The following SMARCAD1 variants were observed in gnomAD, a reference collection of about 807,000 sequenced individuals.
SMARCAD1 encodes SWI/SNF-related matrix-associated actin-dependent regulator of chromatin subfamily A containing DEAD/H box 1.
In SMARCAD1, 25 loss-of-function variants were observed where a neutral mutation model predicts 127.1. That is an observed-to-expected ratio of 0.20 (90% CI 0.14 to 0.27). The LOEUF (loss-of-function observed/expected upper bound fraction) is 0.27, where lower values mean the gene tolerates loss of function less well. Among genes scored for constraint, SMARCAD1 ranks in the 10% least tolerant of loss-of-function variants. The pLI is 1.00. For synonymous variants in SMARCAD1, 400 were observed against 396.9 expected (o/e 1.01, Z -0.09); for missense variants, 807 against 1,206.0 (o/e 0.67, Z 4.90).
intron 5 of SMARCAD1, 56 bp from the exon 6 acceptor site, chr4:94,240,850 A>G: frequency 7.5e-7 from 1 of 1,335,468 alleles, no homozygotes; most frequent in Non-Finnish European, 1.1e-6. Flanking sequence ...TTTTACATTA[A>G]ATTGATTTTT....
rs778772656 is a variant in SMARCAD1, at chr4:94,283,191, G to A, written c.2797G>A (p.Gly933Arg). Residue 933 changes from glycine to arginine, a missense_variant, in exon 22 of 24, where the codon GGA becomes AGA. Coordinates refer to ENST00000354268, the MANE Select transcript of SMARCAD1 (RefSeq NM_020159.5). ...FVFLLSTKAGGLGINLTSANV... is the reference protein window; with the variant it reads ...FVFLLSTKAGRLGINLTSANV... ...GTTTCTGCTATCAACAAAAGCTGGT[G>A]GATTAGGAATAAATCTGACTTCAGC... 1.9e-6 allele frequency: 3 copies of A among 1,613,586 alleles called. No homozygotes were observed. Among genetic ancestry groups the A allele is most frequent in the Non-Finnish European group, 1.7e-6 (2 of 1,179,886 alleles).
chr4:94,233,009 C>T (rs181425649), intron 3 of SMARCAD1, among the ~76,000 whole-genome samples: 1 of 152,032 alleles, frequency 6.6e-6, no homozygotes, highest in Non-Finnish European at 1.5e-5. Flanking sequence ...ATATTCTGTT[C>T]TTTGGAAATT....
At chr4:94,216,413 C>T (rs952897381) in intron 2 of SMARCAD1, among the ~76,000 whole-genome samples, 8 of 152,136 alleles carry the variant, frequency 5.3e-5, no homozygotes, top group African/African-American at 1.7e-4. Flanking sequence ...TATAAATATA[C>T]TCATTCATAT....
At chr4:94,254,848 C>G (rs1749811879) in intron 9 of SMARCAD1, among the ~76,000 whole-genome samples, 2 of 152,134 alleles carry the variant, frequency 1.3e-5, no homozygotes, top group African/African-American at 4.8e-5. Flanking sequence ...TTGCTTAGAA[C>G]TTTGAGCTCC....
intron 6 of SMARCAD1, among the ~76,000 whole-genome samples, chr4:94,246,413 C>T (rs1748430258): frequency 6.6e-6 from 1 of 152,114 alleles, no homozygotes; most frequent in African/African-American, 2.4e-5. Context: ...GCCAGCGTGC[C>T]CAGCCATAAC....
At chr4:94,283,421 T>A in intron 22 of SMARCAD1, 118 bp downstream of exon 22, 1 of 877,304 alleles carries the variant, frequency 1.1e-6, no homozygotes, top group Non-Finnish European at 1.8e-6. Context: ...AAAGCATGGC[T>A]ACTGATGTAT....
chr4:94,275,712 A>G (rs919564101), intron 14 of SMARCAD1, among the ~76,000 whole-genome samples: 1 of 151,842 alleles, frequency 6.6e-6, no homozygotes, highest in African/African-American at 2.4e-5. Flanking sequence ...ATAACACTTC[A>G]TGGAGCAGAT....
intron 4 of SMARCAD1, among the ~76,000 whole-genome samples, chr4:94,235,756 A>C (rs1746562379): frequency 1.3e-5 from 2 of 151,976 alleles, no homozygotes; most frequent in African/African-American, 4.8e-5. Flanking sequence ...AAAATATTCA[A>C]CATAAAGGGC....
At chr4:94,258,590 T>C (rs1260083851) in intron 9 of SMARCAD1, among the ~76,000 whole-genome samples, 1 of 152,236 alleles carries the variant, frequency 6.6e-6, no homozygotes, top group East Asian at 1.9e-4. Context: ...TTGAGTCTCT[T>C]GTTTCTGAAT....
At chr4:94,286,583 C>G (rs1318454208) in intron 23 of SMARCAD1, among the ~76,000 whole-genome samples, 7 of 152,076 alleles carry the variant, frequency 4.6e-5, no homozygotes, top group African/African-American at 9.7e-5. Context: ...AGACAACTCT[C>G]TGTCTGCTGT....
chr4:94,255,746 T>TTTG (rs1749981444), intron 9 of SMARCAD1, among the ~76,000 whole-genome samples: 1 of 152,026 alleles, frequency 6.6e-6, no homozygotes, highest in Non-Finnish European at 1.5e-5. Flanking sequence ...AAATTTGATT[T>TTTG]TTTTTAAAGT....
At position 94,281,341 on chromosome 4, in the gene SMARCAD1, G is replaced by A. The variant is rs35361491; in HGVS notation, c.2608-131G>A. The A allele has an allele frequency of 0.44, 325,852 of 743,064 alleles. 76,520 individuals are homozygous for A. Among genetic ancestry groups the A allele is most frequent in the East Asian group, 0.76 (30,615 of 40,546 alleles). The allele number at this position is 743,064 out of a possible 1,614,324, so 46.0% of individuals were successfully genotyped here. A position where few individuals can be genotyped will look rare whatever the true frequency, so the allele number is the denominator to read the frequency against. ...ATTACTGATTTGTATTAAAGAAGCA[G>A]TTTATCACAGAGAATTTTCTGCAAA... On this transcript the variant is annotated intron_variant, in intron 20 of 23. Coordinates refer to ENST00000354268, the MANE Select transcript of SMARCAD1 (RefSeq NM_020159.5).
chr4:94,247,791 A>T (rs535455006), intron 6 of SMARCAD1, among the ~76,000 whole-genome samples: 2 of 152,122 alleles, frequency 1.3e-5, no homozygotes, highest in Non-Finnish European at 2.9e-5. Context: ...GTAACCTTTT[A>T]TGTCTAGCCT....
intron 2 of SMARCAD1, among the ~76,000 whole-genome samples, chr4:94,225,347 T>G (rs1744827095): frequency 6.6e-6 from 1 of 152,170 alleles, no homozygotes; most frequent in South Asian, 2.1e-4. Context: ...TTCCTTCTTT[T>G]GCATCCCGGT....
chr4:94,242,226 G>A (rs1747699749), intron 6 of SMARCAD1, among the ~76,000 whole-genome samples: 1 of 150,446 alleles, frequency 6.6e-6, no homozygotes, highest in Non-Finnish European at 1.5e-5. Context: ...TTAATTTTTT[G>A]TAGAGATGGA....
intron 9 of SMARCAD1, among the ~76,000 whole-genome samples, chr4:94,258,149 A>ATT (rs748772735): frequency 7.0e-6 from 1 of 142,746 alleles, no homozygotes; most frequent in Non-Finnish European, 1.5e-5. Context: ...TTCCCATCAG[A>ATT]TTTTTTTTTT....
In SMARCAD1 at chr4:94,278,506, G is replaced by A. The variant is rs1324262980; in HGVS notation, c.2167G>A (p.Val723Ile). The A allele has an allele frequency of 6.2e-7, 1 of 1,612,786 alleles. No individual in the cohort carries two copies. The highest frequency in any genetic ancestry group is 1.7e-5 in the Admixed American group (1 of 60,010). The stretch of plus-strand genomic sequence containing the variant: ...TATAAAGCCATTTATTCTCAGAAGA[G>A]TAAAAGAAGAGGTAATGCATATCTA... ...QIIKPFILRR[V>I]KEEVLKQLPP... The change falls in exon 17 of 24, where the codon GTA (valine) becomes ATA (isoleucine). Residue 723 changes from valine to isoleucine, a missense_variant. Val to Ile is a conservative substitution (Grantham distance 29, BLOSUM62 3). This residue lies in a region of SMARCAD1 where 148 missense variants were observed against 313.2 expected (regional missense o/e 0.47). Coordinates refer to ENST00000354268, the MANE Select transcript of SMARCAD1 (RefSeq NM_020159.5).
intron 20 of SMARCAD1, among the ~76,000 whole-genome samples, chr4:94,281,088 TGTTA>T (rs951587669): frequency 2.6e-5 from 4 of 152,234 alleles, no homozygotes; most frequent in South Asian, 2.1e-4. Flanking sequence ...AGACACTATT[TGTTA>T]GTTATTTAAG....
intron 10 of SMARCAD1, 100 bp downstream of exon 10, chr4:94,265,006 T>C: frequency 2.5e-6 from 3 of 1,190,132 alleles, no homozygotes; most frequent in Non-Finnish European, 3.6e-6. Context: ...TGGCAACTAG[T>C]GGTAGGAGAG....
Sources: gnomAD v4.1 joint callset for allele counts (sites outside exome capture counted in the v4.1 genomes callset) on GRCh38, gnomAD v4.1.1 for gene constraint, gnomAD v4.1.1 regional missense constraint, MANE v1.5 for transcripts, NCBI Gene and HGNC (gene_info 2026-07-23, HGNC 2026-07-21) for gene names.